The following MECOM variants were observed in gnomAD, a reference collection of about 807,000 sequenced individuals.
The protein encoded by MECOM is MDS1 and EVI1 complex locus, also known as histone-lysine N-methyltransferase MECOM.
MECOM carries 13 observed loss-of-function variants against 116.3 expected under a neutral mutation model. The observed-to-expected ratio is 0.11, with a 90% confidence interval of 0.07 to 0.18. The LOEUF (loss-of-function observed/expected upper bound fraction) is 0.18. MECOM is among the 10% of genes least tolerant of loss of function. MECOM has a pLI of 1.00. For missense variants in MECOM, 1,299 were observed against 1,509.0 expected (o/e 0.86, Z 2.31); for synonymous variants, 528 against 535.2 (o/e 0.99, Z 0.19).
intron 2 of MECOM, among the ~76,000 whole-genome samples, chr3:169,196,493 C>T (rs1441733067): frequency 6.6e-6 from 1 of 151,942 alleles, no homozygotes; most frequent in South Asian, 2.1e-4. Context: ...TTCATATTTG[C>T]TTAGTGCACA....
chr3:169,266,669 T>C (rs1319333772), intron 2 of MECOM, among the ~76,000 whole-genome samples: 1 of 152,218 alleles, frequency 6.6e-6, no homozygotes, highest in Non-Finnish European at 1.5e-5. Flanking sequence ...ATATTACATT[T>C]GGTCTTTAAT....
intron 1 of MECOM, among the ~76,000 whole-genome samples, chr3:169,440,099 T>G (rs763472619): frequency 9.8e-5 from 15 of 152,294 alleles, no homozygotes; most frequent in Non-Finnish European, 1.3e-4. Flanking sequence ...CATAGAGAGA[T>G]AAAATAATTT....
At chr3:169,492,834 C>A (rs1455255461) in intron 1 of MECOM, among the ~76,000 whole-genome samples, 1 of 152,098 alleles carries the variant, frequency 6.6e-6, no homozygotes. Flanking sequence ...GTGGTGAGCA[C>A]CTGTTGTCCC....
At chr3:169,342,580 GAA>G (rs1250847492) in intron 2 of MECOM, among the ~76,000 whole-genome samples, 4 of 152,058 alleles carry the variant, frequency 2.6e-5, no homozygotes, top group Admixed American at 6.6e-5. Flanking sequence ...TTTAAAAAAT[GAA>G]AAGACATGCC....
chr3:169,356,293 A>AG (rs1272307814), intron 2 of MECOM, among the ~76,000 whole-genome samples: 1 of 151,940 alleles, frequency 6.6e-6, no homozygotes, highest in African/African-American at 2.4e-5. Context: ...ATTTCCCCAG[A>AG]GAAAAAAAAC....
chr3:169,394,546 G>A (rs968324418), intron 1 of MECOM, among the ~76,000 whole-genome samples: 1 of 152,170 alleles, frequency 6.6e-6, no homozygotes, highest in African/African-American at 2.4e-5. Context: ...CCTTGGAGAG[G>A]TAATGACTTT....
chr3:169,513,780 G>T (rs1355944337), intron 1 of MECOM, among the ~76,000 whole-genome samples: 9 of 152,194 alleles, frequency 5.9e-5, no homozygotes, highest in Non-Finnish European at 1.0e-4. Flanking sequence ...GGGTCACACT[G>T]ACACATTAAT....
chr3:169,662,078 C>A (rs576184242), intron 1 of MECOM, among the ~76,000 whole-genome samples: 2 of 152,332 alleles, frequency 1.3e-5, no homozygotes, highest in African/African-American at 4.8e-5. Context: ...ACAGTCCTGG[C>A]GGAGCATCAC....
chr3:169,274,911 TA>T (rs375252008), intron 2 of MECOM, among the ~76,000 whole-genome samples: 4 of 152,060 alleles, frequency 2.6e-5, no homozygotes, highest in African/African-American at 9.7e-5. Flanking sequence ...TAAACTAAAA[TA>T]AAAGGCATCA....
chr3:169,661,579 T>C (rs1776287800), intron 1 of MECOM, among the ~76,000 whole-genome samples: 1 of 151,998 alleles, frequency 6.6e-6, no homozygotes, highest in Admixed American at 6.5e-5. Context: ...AGGAAATGTA[T>C]CGGGGAGTGT....
intron 1 of MECOM, among the ~76,000 whole-genome samples, chr3:169,454,794 C>A (rs1392299146): frequency 6.6e-6 from 1 of 152,134 alleles, no homozygotes; most frequent in Non-Finnish European, 1.5e-5. Flanking sequence ...CCTTCACAGG[C>A]AGAAAATAGC....
chr3:169,579,227 C>A (rs567754106), intron 1 of MECOM, among the ~76,000 whole-genome samples: 71 of 152,306 alleles, frequency 4.7e-4, no homozygotes, highest in African/African-American at 1.6e-3. Flanking sequence ...AAACACGCTT[C>A]ATTACATCGC....
chr3:169,186,321 AAAGG>A (rs1199274474), intron 2 of MECOM, among the ~76,000 whole-genome samples: 12 of 140,594 alleles, frequency 8.5e-5, no homozygotes, highest in Middle Eastern at 3.8e-3. Context: ...AGGAAGGAAG[AAAGG>A]AAGGAAGGAG....
intron 2 of MECOM, among the ~76,000 whole-genome samples, chr3:169,358,096 C>G (rs1350532054): frequency 6.6e-6 from 1 of 151,746 alleles, no homozygotes; most frequent in African/African-American, 2.4e-5. Context: ...GGTAAATGCA[C>G]TGGCACTGGC....
At chr3:169,499,329 A>G (rs1222860903) in intron 1 of MECOM, among the ~76,000 whole-genome samples, 1 of 147,264 alleles carries the variant, frequency 6.8e-6, no homozygotes, top group African/African-American at 2.5e-5. Context: ...TTGCAGAGAG[A>G]AAAGACAGAT....
At chr3:169,096,155 G>A (rs1412912493) in intron 12 of MECOM, among the ~76,000 whole-genome samples, 3 of 152,006 alleles carry the variant, frequency 2.0e-5, no homozygotes, top group Admixed American at 2.0e-4. Flanking sequence ...TTTAGTAATT[G>A]AGAAGGTATT....
Position 169,663,471 on chromosome 3 carries a change from CCTGTCTCTCTCTCTCTCT to C in MECOM, c.-117_-100del. 4 of 1,034,266 alleles carry C rather than the reference CCTGTCTCTCTCTCTCTCT, an allele frequency of 3.9e-6. No individual in the cohort carries two copies. The highest frequency in any genetic ancestry group is 2.8e-5 in the East Asian group (1 of 35,718). The allele number at this position is 1,034,266 out of a possible 1,614,324, so 64.1% of individuals were successfully genotyped here. A position where few individuals can be genotyped will look rare whatever the true frequency, so the allele number is the denominator to read the frequency against. On this transcript the variant is annotated 5_prime_UTR_variant, in exon 1 of 17. Transcript: ENST00000651503. ...TCCCTCTCGCTCCCTCCCTCTCTCT[CCTGTCTCTCTCTCTCTCT>C]CTCTCTCTCTCTCTCTCTCTCTCTC...
At chr3:169,195,427 G>A (rs979297074) in intron 2 of MECOM, among the ~76,000 whole-genome samples, 5 of 152,042 alleles carry the variant, frequency 3.3e-5, no homozygotes, top group African/African-American at 1.2e-4. Context: ...ACAATTTTTA[G>A]AATTAACTGA....
chr3:169,657,319 A>C (rs1274224329), intron 1 of MECOM, among the ~76,000 whole-genome samples: 2 of 152,244 alleles, frequency 1.3e-5, no homozygotes, highest in Non-Finnish European at 2.9e-5. Flanking sequence ...CTACACAGCC[A>C]CACGTGAGAG....
Sources: allele counts gnomAD v4.1 joint callset (sites outside exome capture counted in the v4.1 genomes callset), GRCh38; gene constraint gnomAD v4.1.1; transcripts MANE v1.5; gene names NCBI Gene and HGNC (gene_info 2026-07-23, HGNC 2026-07-21).